MTMR7: variants seen among roughly 807,000 people sequenced by gnomAD.
MTMR7 encodes myotubularin related protein 7.
Under a neutral mutation model 81.2 loss-of-function variants are expected in MTMR7, and 76 were observed. The observed-to-expected ratio is 0.94, with a 90% CI of 0.78 to 1.13. The LOEUF (loss-of-function observed/expected upper bound fraction) is 1.13. MTMR7 is among the 50% of genes most tolerant of loss of function. The probability of loss-of-function intolerance (pLI) is 0.00; values close to 1 mark genes in which losing one functional copy is unlikely to be tolerated. For synonymous variants in MTMR7, 372 were observed against 289.8 expected, an observed-to-expected ratio of 1.28 and a Z score of -2.88; for missense variants, 1,044 against 820.0, an observed-to-expected ratio of 1.27 and a Z score of -3.34.
rs527242979 is a variant in MTMR7 at position 17,336,472 on chromosome 8, G to C, written c.732+4891C>G. Among the ~76,000 whole-genome samples the C allele has an allele frequency of 1.6e-4, 25 of 152,082 alleles. No individual in the cohort carries two copies. The East Asian group carries it at 4.9e-3, about 30-fold the overall frequency. On this transcript the variant is annotated intron_variant, in intron 6 of 13. Transcript: ENST00000180173. ...GGCCACCAGCAAGTGTGAGACCCCC[G>C]ATTCCCCTCTCTCAAGCACCCCTCA... is the stretch of plus-strand genomic sequence containing the variant.
chr8:17,307,395 G>C (rs2150476329), intron 10 of MTMR7, among the ~76,000 whole-genome samples: 1 of 152,302 alleles, frequency 6.6e-6, no homozygotes, highest in African/African-American at 2.4e-5. Context: ...AACAGGTGCT[G>C]GAGAGGATGT....
At chr8:17,398,098 T>C (rs1208484335) in intron 1 of MTMR7, among the ~76,000 whole-genome samples, 3 of 152,068 alleles carry the variant, frequency 2.0e-5, no homozygotes, top group Non-Finnish European at 4.4e-5. Flanking sequence ...AAGCCCACAC[T>C]GCAAAGACTA....
chr8:17,352,296 A>G (rs1297255653), intron 4 of MTMR7, among the ~76,000 whole-genome samples: 1 of 152,234 alleles, frequency 6.6e-6, no homozygotes, highest in African/African-American at 2.4e-5. Flanking sequence ...CCTCATGTAT[A>G]TGGTCATATG....
At chr8:17,406,800 T>C (rs965530083) in intron 1 of MTMR7, among the ~76,000 whole-genome samples, 1 of 152,140 alleles carries the variant, frequency 6.6e-6, no homozygotes, top group Non-Finnish European at 1.5e-5. Context: ...CGAAATGAAG[T>C]ACTGATACAT....
intron 6 of MTMR7, among the ~76,000 whole-genome samples, chr8:17,340,364 CT>C (rs1237773374): frequency 4.6e-5 from 7 of 152,374 alleles, no homozygotes; most frequent in African/African-American, 1.7e-4. Context: ...GGACGTTCAT[CT>C]TTCTCCTCAG....
intron 7 of MTMR7, among the ~76,000 whole-genome samples, chr8:17,330,731 C>G (rs1329731162): frequency 6.6e-6 from 1 of 152,144 alleles, no homozygotes; most frequent in Non-Finnish European, 1.5e-5. Flanking sequence ...GTCAGCTCCT[C>G]CGATATTCTC....
intron 7 of MTMR7, among the ~76,000 whole-genome samples, chr8:17,330,501 G>A (rs900236087): frequency 6.6e-6 from 1 of 152,264 alleles, no homozygotes; most frequent in African/African-American, 2.4e-5. Flanking sequence ...AGCTGGTTTT[G>A]CTTGAAATGC....
chr8:17,348,662 C>A (rs1819636411), intron 5 of MTMR7, among the ~76,000 whole-genome samples: 1 of 151,960 alleles, frequency 6.6e-6, no homozygotes, highest in Non-Finnish European at 1.5e-5. Context: ...AAAGAGATTC[C>A]CAAGGTGCCC....
intron 4 of MTMR7, among the ~76,000 whole-genome samples, chr8:17,360,851 G>C (rs935320655): frequency 6.6e-6 from 1 of 152,066 alleles, no homozygotes; most frequent in African/African-American, 2.4e-5. Context: ...TGTCCACAAG[G>C]CCTGCCACCC....
At position 17,311,870 on chromosome 8, in the gene MTMR7, C is replaced by T. The variant is rs1010070314; in HGVS notation, c.976-234G>A. The T allele has an allele frequency of 1.8e-5, 10 of 563,102 alleles. No individual in the cohort carries two copies. The Admixed American group carries it at 3.1e-4, about 18-fold the overall frequency. 34.9% of individuals were successfully genotyped at this position (563,102 alleles called of 1,614,324 possible). A position where few individuals can be genotyped will look rare whatever the true frequency, so the allele number is the denominator to read the frequency against. ...CAGAAGCCACCACTCAAGTCACCTCCAATAAGCGCATGTACTTACTAAACA... is the reference window on the plus strand; with the variant it reads ...CAGAAGCCACCACTCAAGTCACCTCTAATAAGCGCATGTACTTACTAAACA... On this transcript the variant is annotated intron_variant, in intron 8 of 13. Transcript: ENST00000180173.
At chr8:17,408,911 T>C (rs1406409043) in intron 1 of MTMR7, among the ~76,000 whole-genome samples, 2 of 152,152 alleles carry the variant, frequency 1.3e-5, no homozygotes, top group Non-Finnish European at 2.9e-5. Flanking sequence ...GTCTGCACAA[T>C]ATGTAAATAT....
At chr8:17,318,464 G>A (rs1364997092) in intron 7 of MTMR7, among the ~76,000 whole-genome samples, 1 of 152,162 alleles carries the variant, frequency 6.6e-6, no homozygotes, top group Non-Finnish European at 1.5e-5. Flanking sequence ...CAGTCATCTG[G>A]AACAGGCTTT....
At chr8:17,339,367 T>A (rs189125259) in intron 6 of MTMR7, among the ~76,000 whole-genome samples, 148 of 152,342 alleles carry the variant, frequency 9.7e-4, no homozygotes, top group South Asian at 5.2e-3. Flanking sequence ...CATGATCTCA[T>A]TTTAGAATAT....
rs1816796576 is a variant in MTMR7, at chr8:17,297,706, T to C, written c.*2156A>G. 1 of 152,092 alleles carries C rather than the reference T, an allele frequency of 6.6e-6. No individual in the cohort carries two copies. The highest frequency in any genetic ancestry group is 6.6e-5 in the Admixed American group (1 of 15,264). 9.4% of individuals were successfully genotyped at this position (152,092 alleles called of 1,614,324 possible). On this transcript the variant is annotated 3_prime_UTR_variant, in exon 14 of 14. Transcript: ENST00000180173. Reference sequence around the variant, plus strand: ...AATAAAACACTTCCTGATTAATGTTTGATTATTAGATATTTTAGTCTTGTT... The same window carrying C: ...AATAAAACACTTCCTGATTAATGTTCGATTATTAGATATTTTAGTCTTGTT...
Position 17,296,996 on chromosome 8 carries a change from C to T in MTMR7, c.*2866G>A, listed in dbSNP as rs541044259. ...AAAAGAATCTGCATTTGAATATGCC[C>T]GTATGAATGTGGGTTCTGTTTTTGC... On this transcript the variant is annotated 3_prime_UTR_variant, in exon 14 of 14. Transcript: ENST00000180173. The T allele has an allele frequency of 1.6e-4, 25 of 152,178 alleles. No homozygotes were observed. The East Asian group carries it at 2.3e-3, about 14-fold the overall frequency. The allele number at this position is 152,178 out of a possible 1,614,324, so 9.4% of individuals were successfully genotyped here.
At chr8:17,383,533 G>T (rs1044697898) in intron 1 of MTMR7, among the ~76,000 whole-genome samples, 2 of 152,144 alleles carry the variant, frequency 1.3e-5, no homozygotes, top group Non-Finnish European at 2.9e-5. Flanking sequence ...CACTTCCCTG[G>T]ATCTCTCCCA....
At chr8:17,316,573 A>G (rs1014057452) in intron 7 of MTMR7, among the ~76,000 whole-genome samples, 1 of 152,028 alleles carries the variant, frequency 6.6e-6, no homozygotes, top group Non-Finnish European at 1.5e-5. Flanking sequence ...CTTCAGCTCT[A>G]TCATGCACAG....
chr8:17,394,104 T>TA (rs1392723694), intron 1 of MTMR7, among the ~76,000 whole-genome samples: 1 of 152,190 alleles, frequency 6.6e-6, no homozygotes, highest in Non-Finnish European at 1.5e-5. Flanking sequence ...GTTAGGAATA[T>TA]AAAATGCTGC....
chr8:17,326,314 A>G (rs1324808996), intron 7 of MTMR7: 2 of 152,218 alleles, frequency 1.3e-5, no homozygotes, highest in East Asian at 3.8e-4. Flanking sequence ...AAGAGTGGCA[A>G]CAACAACTTC....
Sources: allele counts gnomAD v4.1 joint callset (sites outside exome capture counted in the v4.1 genomes callset), GRCh38; gene constraint gnomAD v4.1.1; transcripts MANE v1.5; gene names NCBI Gene and HGNC (gene_info 2026-07-23, HGNC 2026-07-21).